ENPP1: variants seen among roughly 807,000 people sequenced by gnomAD.
The protein encoded by ENPP1 is ectonucleotide pyrophosphatase/phosphodiesterase 1.
Under a neutral mutation model 122.8 loss-of-function variants are expected in ENPP1, and 73 were observed. The observed-to-expected ratio is 0.59, with a 90% CI of 0.49 to 0.72. The LOEUF (loss-of-function observed/expected upper bound fraction) is 0.72. Among genes scored for constraint, ENPP1 ranks in the 30% least tolerant of loss-of-function variants. The pLI is 0.00. For missense variants in ENPP1, 978 were observed against 1,128.1 expected, an observed-to-expected ratio of 0.87 and a Z score of 1.91; for synonymous variants, 367 against 391.6, an observed-to-expected ratio of 0.94 and a Z score of 0.74.
At chr6:131,834,528 C>CT (rs34437450) in intron 1 of ENPP1, among the ~76,000 whole-genome samples, 10,857 of 133,016 alleles carry the variant, frequency 0.082, 602 homozygotes, top group East Asian at 0.16. Flanking sequence ...AGGTAATAGT[C>CT]TTTTTTTTTT....
At chr6:131,825,838 A>G in intron 1 of ENPP1, 1 of 213,536 alleles carries the variant, frequency 4.7e-6, no homozygotes, top group South Asian at 1.1e-4. Flanking sequence ...CTTTCTAATT[A>G]TAAGCTCATA....
In ENPP1 at chr6:131,861,707, A is replaced by G; in HGVS notation, c.1025+3A>G. ...GACATCTATAAAATGTATAATGGGT[A>G]TGTGAAATGAATTTTTTCTAGGATC... On this transcript the variant is annotated splice_donor_region_variant and intron_variant, in intron 9 of 24. Coordinates refer to ENST00000647893, the MANE Select transcript of ENPP1 (RefSeq NM_006208.3). 2.0e-6 allele frequency: 3 copies of G among 1,500,292 alleles called. No individual in the cohort carries two copies. Among genetic ancestry groups the G allele is most frequent in the African/African-American group, 2.7e-5 (2 of 72,778 alleles). 92.9% of individuals were successfully genotyped at this position (1,500,292 alleles called of 1,614,324 possible).
Position 131,849,019 on chromosome 6 carries a change from C to A in ENPP1, c.314-971C>A, listed in dbSNP as rs541996978. Reference sequence around the variant, plus strand: ...TTCTTTTTTGTTGTTGTTGGATGTCCCTTATTTTCCATGTGTTCCTTTTTT... The same window carrying A: ...TTCTTTTTTGTTGTTGTTGGATGTCACTTATTTTCCATGTGTTCCTTTTTT... On this transcript the variant is annotated intron_variant, in intron 2 of 24. Transcript: ENST00000647893. 3.9e-5 allele frequency among the ~76,000 whole-genome samples: 6 copies of A among 152,056 alleles called. No individual in the cohort carries two copies. The South Asian group carries it at 1.0e-3, about 26-fold the overall frequency.
chr6:131,867,907 CTTTCTTTCTTTG>C (rs1022626589), intron 11 of ENPP1, 99 bp from the exon 12 acceptor site: 28 of 774,506 alleles, frequency 3.6e-5, no homozygotes, highest in East Asian at 2.6e-5. Context: ...GTCTGTCTTT[CTTTCTTTCTTTG>C]TTTCTTTCTT....
In ENPP1 at chr6:131,877,134, T is replaced by C; in HGVS notation, c.1866T>C (p.Asp622=). ...VQCPFTRNPR[D]NLGCSCNPSI... ...GCCCCTTCACAAGAAACCCCAGAGA[T>C]AACCTTGGCTGCTCATGTAACCCTT... Residue 622 remains aspartate, a synonymous_variant, in exon 18 of 25, where the codon GAT becomes GAC. Coordinates refer to ENST00000647893, the MANE Select transcript of ENPP1 (RefSeq NM_006208.3). 6.2e-7 allele frequency: 1 copy of C among 1,613,926 alleles called. No homozygotes were observed. Among genetic ancestry groups the C allele is most frequent in the East Asian group, 2.2e-5 (1 of 44,850 alleles).
chr6:131,866,816 G>A (rs1318340253), intron 11 of ENPP1, among the ~76,000 whole-genome samples: 3 of 152,208 alleles, frequency 2.0e-5, no homozygotes, highest in African/African-American at 4.8e-5. Context: ...AAAGGGAAAA[G>A]TTTCTTGTAG....
At chr6:131,843,461 T>TA (rs1165906851) in intron 1 of ENPP1, among the ~76,000 whole-genome samples, 1 of 152,226 alleles carries the variant, frequency 6.6e-6, no homozygotes, top group Non-Finnish European at 1.5e-5. Flanking sequence ...ATGTGTATTT[T>TA]AAACCAATGG....
chr6:131,831,405 C>T (rs2114671237), intron 1 of ENPP1, among the ~76,000 whole-genome samples: 1 of 152,272 alleles, frequency 6.6e-6, no homozygotes, highest in Admixed American at 6.5e-5. Flanking sequence ...TGATTATTAA[C>T]TAAAGTCCAT....
At chr6:131,879,838 T>A in intron 19 of ENPP1, 42 bp from the exon 20 acceptor site, 1 of 1,554,248 alleles carries the variant, frequency 6.4e-7, no homozygotes, top group Non-Finnish European at 8.9e-7. Flanking sequence ...TATTATCATA[T>A]AATGCACACT....
At position 131,864,882 on chromosome 6, in the gene ENPP1, C is replaced by G. The variant is rs192507068; in HGVS notation, c.1108C>G (p.Leu370Val). The change falls in exon 11 of 25, where the codon CTG becomes GTG. Residue 370 changes from leucine (L) to valine (V), a missense_variant. Physicochemically the swap from Leu to Val is conservative, Grantham distance 32. This residue lies in a region of ENPP1 where 644 missense variants were observed against 781.5 expected (regional missense o/e 0.82). Transcript: ENST00000647893. Reference protein sequence around the residue: ...PKDERPHFYTLYLEEPDSSGH... With the variant: ...PKDERPHFYTVYLEEPDSSGH... Reference sequence around the variant, plus strand: ...TTGATTTAGACCACACTTTTACACTCTGTATTTAGAAGAACCAGATTCTTC... The same window carrying G: ...TTGATTTAGACCACACTTTTACACTGTGTATTTAGAAGAACCAGATTCTTC... 1 of 1,602,082 alleles carries G rather than the reference C, an allele frequency of 6.2e-7. No homozygotes were observed. Among genetic ancestry groups the G allele is most frequent in the East Asian group, 2.2e-5 (1 of 44,728 alleles).
intron 1 of ENPP1, among the ~76,000 whole-genome samples, chr6:131,808,839 C>A (rs1043189040): frequency 6.6e-6 from 1 of 152,170 alleles, no homozygotes; most frequent in Admixed American, 6.5e-5. Context: ...CTGAAGAAAC[C>A]TTTATGATTC....
intron 20 of ENPP1, among the ~76,000 whole-genome samples, chr6:131,880,300 A>G (rs953088623): frequency 6.6e-6 from 1 of 152,158 alleles, no homozygotes; most frequent in African/African-American, 2.4e-5. Flanking sequence ...GCAGTGGCTC[A>G]TGCCTGTAAT....
chr6:131,852,260 AT>A, intron 5 of ENPP1, 25 bp downstream of exon 5: 2 of 1,510,526 alleles, frequency 1.3e-6, no homozygotes, highest in Non-Finnish European at 9.1e-7. Context: ...TGAGGTATTA[AT>A]TTTTTCTTTT....
rs143473794 is a variant in ENPP1, at chr6:131,871,973, TA to T, written c.1406-94del. ...ACTCTTTAAAACCTGCCTTGGTATT[TA>T]AATGCAGAGTTTGGATCTGACATTC... On this transcript the variant is annotated intron_variant, in intron 13 of 24. Transcript: ENST00000647893. 4,074 of 942,642 alleles carry T rather than the reference TA, an allele frequency of 4.3e-3. 112 individuals carry two copies. The African/African-American group carries it at 0.056, about 13-fold the overall frequency. 58.4% of individuals were successfully genotyped at this position (942,642 alleles called of 1,614,324 possible).
Position 131,845,828 on chromosome 6 carries a change from A to C in ENPP1, c.241-1948A>C, listed in dbSNP as rs530691353. 2.6e-4 allele frequency among the ~76,000 whole-genome samples: 39 copies of C among 152,214 alleles called. 1 individual carries two copies. The highest frequency in any genetic ancestry group is 8.3e-4 in the South Asian group (4 of 4,820). On this transcript the variant is annotated intron_variant, in intron 1 of 24. Transcript: ENST00000647893. Reference sequence around the variant, plus strand: ...CAGAAGTTTAGGAGAATCCATTACTATTCTCTTCTGATACCTTGTTCTGCT... The same window carrying C: ...CAGAAGTTTAGGAGAATCCATTACTCTTCTCTTCTGATACCTTGTTCTGCT...
chr6:131,873,141 G>A (rs1025154434), intron 15 of ENPP1, 91 bp downstream of exon 15: 1 of 1,366,142 alleles, frequency 7.3e-7, no homozygotes, highest in African/African-American at 1.4e-5. Flanking sequence ...ATTGTTATGT[G>A]AAAACTGTAT....
chr6:131,849,898 C>T (rs1781859324), intron 2 of ENPP1, 92 bp from the exon 3 acceptor site: 2 of 926,992 alleles, frequency 2.2e-6, no homozygotes, highest in South Asian at 1.3e-5. Flanking sequence ...GTATTTGAAC[C>T]TAGTGTACAC....
Position 131,860,416 on chromosome 6 carries a change from C to T in ENPP1, c.825C>T (p.Ile275=), listed in dbSNP as rs369580462. ...TGTATCCAGAATCTCATGGCATAATCGACAATAAAATGTATGATCCCAAAA... is the reference window on the plus strand; with the variant it reads ...TGTATCCAGAATCTCATGGCATAATTGACAATAAAATGTATGATCCCAAAA... The part of the protein sequence containing the change: ...TGLYPESHGI[I]DNKMYDPKMN... Residue 275 remains isoleucine, a synonymous_variant, in exon 8 of 25, where the codon ATC becomes ATT. Coordinates refer to ENST00000647893, the MANE Select transcript of ENPP1 (RefSeq NM_006208.3). 6.9e-6 allele frequency: 11 copies of T among 1,596,716 alleles called. No homozygotes were observed. The highest frequency in any genetic ancestry group is 4.0e-5 in the African/African-American group (3 of 74,508).
rs771304080 is a variant in ENPP1, at chr6:131,847,858, TGTGTG to T, written c.313+11_313+15del. 2,037 of 443,260 alleles carry T rather than the reference TGTGTG, an allele frequency of 4.6e-3. 11 individuals are homozygous for T. Among genetic ancestry groups the T allele is most frequent in the African/African-American group, 0.011 (369 of 33,930 alleles). The allele number at this position is 443,260 out of a possible 1,614,324, so 27.5% of individuals were successfully genotyped here. ...AGCTGTGCCAAAGAAGGTAATTAGG[TGTGTG>T]TGTGTGTGTGTGTGTGTGTGTGTGT... On this transcript the variant is annotated intron_variant, in intron 2 of 24. Transcript: ENST00000647893.
Sources: allele counts gnomAD v4.1 joint callset (sites outside exome capture counted in the v4.1 genomes callset), GRCh38; gene constraint gnomAD v4.1.1; regional missense constraint gnomAD v4.1.1; transcripts MANE v1.5; gene names NCBI Gene and HGNC (gene_info 2026-07-23, HGNC 2026-07-21).